The following SEMA3B variants were observed in gnomAD, a reference collection of about 807,000 sequenced individuals.
SEMA3B encodes the protein semaphorin-3B.
SEMA3B carries 71 observed loss-of-function variants against 77.8 expected under a neutral mutation model. The ratio of observed to expected loss-of-function variants is 0.91; its 90% confidence interval spans 0.75 to 1.11. The LOEUF (loss-of-function observed/expected upper bound fraction) is 1.11. Ranked by LOEUF, SEMA3B falls within the 50% of genes most tolerant of loss-of-function variation. The probability of loss-of-function intolerance (pLI) is 0.00; values close to 1 mark genes in which losing one functional copy is unlikely to be tolerated. For synonymous variants in SEMA3B, 470 were observed against 452.9 expected (o/e 1.04, Z -0.48); for missense variants, 968 against 1,056.8 (o/e 0.92, Z 1.17).
chr3:50,268,579 A>G (rs764789705), upstream of SEMA3B, among the ~76,000 whole-genome samples: 22 of 152,222 alleles, frequency 1.4e-4, no homozygotes, highest in Non-Finnish European at 2.6e-4. Flanking sequence ...CATACACACT[A>G]CACACATGCG....
At position 50,270,517 on chromosome 3, in the gene SEMA3B, C is replaced by T. The variant is rs370956977; in HGVS notation, c.330+22C>T. The T allele has an allele frequency of 8.1e-6, 13 of 1,613,082 alleles. No homozygotes were observed. The highest frequency in any genetic ancestry group is 4.0e-5 in the African/African-American group (3 of 74,904). On this transcript the variant is annotated intron_variant, in intron 3 of 16. Transcript: ENST00000616701. The surrounding 1 kb of genome is among the most constrained non-coding windows in gnomAD (Gnocchi z 4.7). Reference sequence around the variant, plus strand: ...TGGTGTGAGTGCCAGCTGCCCGGGCCGGGAGTGGGGAGGGTCAGCCCCTCA... The same window carrying T: ...TGGTGTGAGTGCCAGCTGCCCGGGCTGGGAGTGGGGAGGGTCAGCCCCTCA...
In SEMA3B at chr3:50,275,972, A is replaced by G; in HGVS notation, c.1845+128A>G. On this transcript the variant is annotated intron_variant, in intron 16 of 16. Transcript: ENST00000616701. This position sits in a 1 kb window ranked among gnomAD's most constrained non-coding sequence, Gnocchi z 7.5. ...CCCGCCCTGTCCAGTTTGGTCCCTC[A>G]CCTGCACTCCACAAGCTGCTGAGGC... 1.6e-6 allele frequency: 2 copies of G among 1,240,282 alleles called. No individual in the cohort carries two copies. The highest frequency in any genetic ancestry group is 2.2e-6 in the Non-Finnish European group (2 of 929,356). The allele number at this position is 1,240,282 out of a possible 1,614,324, so 76.8% of individuals were successfully genotyped here.
In SEMA3B at chr3:50,269,920, T is replaced by TG. The variant is rs1485692155; in HGVS notation, c.110-201dup. On this transcript the variant is annotated intron_variant, in intron 1 of 16. Transcript: ENST00000616701. This position sits in a 1 kb window ranked among gnomAD's most constrained non-coding sequence, Gnocchi z 4.0. Reference sequence around the variant, plus strand: ...CAAGTTCAACCTGCCTTCCTCTTCCTGGGGGGATGTACCACCTACCCTGGC... The same window carrying TG: ...CAAGTTCAACCTGCCTTCCTCTTCCTGGGGGGGATGTACCACCTACCCTGGC... 2.6e-5 allele frequency among the ~76,000 whole-genome samples: 4 copies of TG among 152,248 alleles called. No homozygotes were observed. The highest frequency in any genetic ancestry group is 5.9e-5 in the Non-Finnish European group (4 of 67,996).
rs781987443 is a variant in SEMA3B, at chr3:50,269,407, G to A, written c.109+58G>A. ...TTGAGGTGGGCAGGAAAGGGTCCCC[G>A]TATGGCCAGGGGGCTCTGTGTTGGC... On this transcript the variant is annotated intron_variant, in intron 1 of 16. Coordinates refer to ENST00000616701, the MANE Select transcript of SEMA3B (RefSeq NM_001290060.2). The surrounding 1 kb of genome is among the most constrained non-coding windows in gnomAD (Gnocchi z 4.0). 14 of 1,032,442 alleles carry A rather than the reference G, an allele frequency of 1.4e-5. No homozygotes were observed. The highest frequency in any genetic ancestry group is 5.3e-5 in the East Asian group (2 of 38,022). 64.0% of individuals were successfully genotyped at this position (1,032,442 alleles called of 1,614,324 possible).
rs782149731 is a variant in SEMA3B, at chr3:50,269,630, T to C, written c.109+281T>C. Among the ~76,000 whole-genome samples the C allele has an allele frequency of 1.3e-5, 2 of 152,186 alleles. No homozygotes were observed. The highest frequency in any genetic ancestry group is 2.9e-5 in the Non-Finnish European group (2 of 68,036). On this transcript the variant is annotated intron_variant, in intron 1 of 16. Coordinates refer to ENST00000616701, the MANE Select transcript of SEMA3B (RefSeq NM_001290060.2). This position sits in a 1 kb window ranked among gnomAD's most constrained non-coding sequence, Gnocchi z 4.0. ...CCGTTCAGTACCCCCAACAAGGCGA[T>C]ACTCCTTCAGCAGAGCAACAGGGAA...
In SEMA3B at chr3:50,275,117, C is replaced by A; in HGVS notation, c.1491+64C>A. On this transcript the variant is annotated intron_variant, in intron 13 of 16. Coordinates refer to ENST00000616701, the MANE Select transcript of SEMA3B (RefSeq NM_001290060.2). This position sits in a 1 kb window ranked among gnomAD's most constrained non-coding sequence, Gnocchi z 7.5. ...AGCTTGTGCCTGGCGCGTCCCAAGC[C>A]TCTGGCCCCTTTTGGTAGTTTGCAG... The A allele has an allele frequency of 6.6e-7, 1 of 1,517,760 alleles. No homozygotes were observed. Among genetic ancestry groups the A allele is most frequent in the Non-Finnish European group, 8.8e-7 (1 of 1,130,742 alleles). 94.0% of individuals were successfully genotyped at this position (1,517,760 alleles called of 1,614,324 possible).
rs368737169 is a variant in SEMA3B at position 50,273,416 on chromosome 3, C to T, written c.783C>T (p.Ser261=). ...CGGCGCCGGCACTGGGACGCCTGTCCGTGTCCCGCGTTGGCCAGATCTGCC... is the reference window on the plus strand; with the variant it reads ...CGGCGCCGGCACTGGGACGCCTGTCTGTGTCCCGCGTTGGCCAGATCTGCC... The part of the protein sequence containing the change: ...VEAAPALGRL[S]VSRVGQICRN... The change falls in exon 7 of 17, where the codon TCC becomes TCT. Residue 261 remains serine, a synonymous_variant. Transcript: ENST00000616701. The surrounding 1 kb of genome is among the most constrained non-coding windows in gnomAD (Gnocchi z 6.5). 26 of 1,613,564 alleles carry T rather than the reference C, an allele frequency of 1.6e-5. No individual in the cohort carries two copies. The African/African-American group carries it at 3.2e-4, about 20-fold the overall frequency.
Position 50,270,860 on chromosome 3 carries a change from G to T in SEMA3B, c.331-30G>T. Reference sequence around the variant, plus strand: ...GGGACCTCTTAAGGCTACGTCCCTGGGGGAAGCCTCACACCTCCAACCCTA... The same window carrying T: ...GGGACCTCTTAAGGCTACGTCCCTGTGGGAAGCCTCACACCTCCAACCCTA... On this transcript the variant is annotated intron_variant, in intron 3 of 16. Transcript: ENST00000616701. The surrounding 1 kb of genome is among the most constrained non-coding windows in gnomAD (Gnocchi z 4.7). 1 of 1,572,496 alleles carries T rather than the reference G, an allele frequency of 6.4e-7. No homozygotes were observed. Among genetic ancestry groups the T allele is most frequent in the South Asian group, 1.2e-5 (1 of 85,754 alleles).
At chr3:50,262,792 G>A (rs1337967919), upstream of SEMA3B, among the ~76,000 whole-genome samples, 1 of 152,190 alleles carries the variant, frequency 6.6e-6, no homozygotes, top group Non-Finnish European at 1.5e-5. Flanking sequence ...TGGGGGACTG[G>A]GACAGGGTTA....
Position 50,275,739 on chromosome 3 carries a change from G to A in SEMA3B, c.1740G>A (p.Val580=). Reference sequence around the variant, plus strand: ...GTCCCGCGCTGCTGGAACACAAGGTGTTCGGCGTGGAGGGCAGCAGCGCCT... The same window carrying A: ...GTCCCGCGCTGCTGGAACACAAGGTATTCGGCGTGGAGGGCAGCAGCGCCT... ...SSRPALLEHK[V]FGVEGSSAFL... Residue 580 remains valine (V), a synonymous_variant, in exon 16 of 17, where the codon GTG becomes GTA. Transcript: ENST00000616701. This position sits in a 1 kb window ranked among gnomAD's most constrained non-coding sequence, Gnocchi z 7.5. 1 of 1,613,398 alleles carries A rather than the reference G, an allele frequency of 6.2e-7. No individual in the cohort carries two copies. Among genetic ancestry groups the A allele is most frequent in the Non-Finnish European group, 8.5e-7 (1 of 1,179,812 alleles).
chr3:50,263,094 G>A (rs1700853294), upstream of SEMA3B: 1 of 152,318 alleles, frequency 6.6e-6, no homozygotes, highest in Non-Finnish European at 1.5e-5. Flanking sequence ...CAAGGGGAAG[G>A]GTCTAAAGGG....
chr3:50,267,212 A>ACC (rs1700915973), upstream of SEMA3B: 1 of 151,962 alleles, frequency 6.6e-6, no homozygotes, highest in Admixed American at 6.6e-5. The surrounding 1 kb of genome is among the most constrained non-coding windows in gnomAD (Gnocchi z 5.7). Flanking sequence ...CTGCCCGGCC[A>ACC]CCCCAGCCGG....
upstream of SEMA3B, among the ~76,000 whole-genome samples, chr3:50,268,196 T>C (rs1435886816): frequency 6.6e-6 from 1 of 151,990 alleles, no homozygotes; most frequent in Non-Finnish European, 1.5e-5. Flanking sequence ...TCCTCAGGGG[T>C]GTGGAGAGAG....
rs1701134351 is a variant in SEMA3B, at chr3:50,273,908, T to TC, written c.993-3dup. On this transcript the variant is annotated splice_region_variant and splice_polypyrimidine_tract_variant and intron_variant, in intron 9 of 16. Transcript: ENST00000616701. This position sits in a 1 kb window ranked among gnomAD's most constrained non-coding sequence, Gnocchi z 6.5. ...CCCTCACCTCGCCCTGGTCTTCGCC[T>TC]CCAGCAGCATCTTCCAGGGCTCTGC... is the stretch of plus-strand genomic sequence containing the variant. The TC allele has an allele frequency of 6.3e-7, 1 of 1,597,216 alleles. No individual in the cohort carries two copies. Among genetic ancestry groups the TC allele is most frequent in the African/African-American group, 1.3e-5 (1 of 74,456 alleles).
In SEMA3B at chr3:50,270,777, A is replaced by G; in HGVS notation, c.331-113A>G. On this transcript the variant is annotated intron_variant, in intron 3 of 16. Coordinates refer to ENST00000616701, the MANE Select transcript of SEMA3B (RefSeq NM_001290060.2). The surrounding 1 kb of genome is among the most constrained non-coding windows in gnomAD (Gnocchi z 4.7). ...CCCCCAGGTCCCTGTAGCCCATGTT[A>G]GTACTTGCCTGGGCTGATGCCGAAG... 6.7e-7 allele frequency: 1 copy of G among 1,483,978 alleles called. No individual in the cohort carries two copies. Among genetic ancestry groups the G allele is most frequent in the South Asian group, 1.3e-5 (1 of 75,814 alleles). 91.9% of individuals were successfully genotyped at this position (1,483,978 alleles called of 1,614,324 possible).
chr3:50,268,613 AAC>A (rs1337983619), upstream of SEMA3B, among the ~76,000 whole-genome samples: 1 of 152,234 alleles, frequency 6.6e-6, no homozygotes, highest in African/African-American at 2.4e-5. Context: ...GACACTCGGA[AAC>A]ACATTCACAG....
In SEMA3B at chr3:50,275,145, C is replaced by G. The variant is rs910054489; in HGVS notation, c.1491+92C>G. 8 of 1,486,568 alleles carry G rather than the reference C, an allele frequency of 5.4e-6. No individual in the cohort carries two copies. The highest frequency in any genetic ancestry group is 7.2e-6 in the Non-Finnish European group (8 of 1,114,642). 92.1% of individuals were successfully genotyped at this position (1,486,568 alleles called of 1,614,324 possible). ...TGGCCCCTTTTGGTAGTTTGCAGTC[C>G]CGGGTTTGAGTACAGGCTCTGGCTT... On this transcript the variant is annotated intron_variant, in intron 13 of 16. Coordinates refer to ENST00000616701, the MANE Select transcript of SEMA3B (RefSeq NM_001290060.2). The surrounding 1 kb of genome is among the most constrained non-coding windows in gnomAD (Gnocchi z 7.5).
Position 50,273,624 on chromosome 3 carries a change from C to A in SEMA3B, c.900C>A (p.Gly300=). The change falls in exon 8 of 17, where the codon GGC becomes GGA. Residue 300 remains glycine (G), a synonymous_variant. Coordinates refer to ENST00000616701, the MANE Select transcript of SEMA3B (RefSeq NM_001290060.2). This position sits in a 1 kb window ranked among gnomAD's most constrained non-coding sequence, Gnocchi z 6.5. ...RLVCSVPGVE[G]DTHFDQLQDV... ...TGTGCTCGGTGCCCGGCGTCGAGGG[C>A]GACACCCACTTCGATCAGCTCCGTG... is the stretch of plus-strand genomic sequence containing the variant. The A allele has an allele frequency of 6.2e-7, 1 of 1,612,046 alleles. No homozygotes were observed. Among genetic ancestry groups the A allele is most frequent in the East Asian group, 2.2e-5 (1 of 44,870 alleles).
rs1230130798 is a variant in SEMA3B, at chr3:50,271,150, C to T, written c.513C>T (p.Asp171=). ...IEDGKGKSPY[D]PRHRAASVLV... ...ATGGCAAGGGGAAGAGTCCTTATGA[C>T]CCCAGGCATCGGGCTGCCTCCGTGC... is the stretch of plus-strand genomic sequence containing the variant. The change falls in exon 5 of 17, where the codon GAC becomes GAT. Residue 171 remains aspartate, a synonymous_variant. Coordinates refer to ENST00000616701, the MANE Select transcript of SEMA3B (RefSeq NM_001290060.2). 1.9e-6 allele frequency: 3 copies of T among 1,582,674 alleles called. No individual in the cohort carries two copies. The highest frequency in any genetic ancestry group is 1.3e-5 in the African/African-American group (1 of 74,292).
Sources: gnomAD v4.1 joint callset for allele counts (sites outside exome capture counted in the v4.1 genomes callset) on GRCh38, gnomAD v4.1.1 for gene constraint, Gnocchi (gnomAD v3.1) non-coding constraint, MANE v1.5 for transcripts, NCBI Gene and HGNC (gene_info 2026-07-23, HGNC 2026-07-21) for gene names.